The following SNX29 variants were observed in gnomAD, a reference collection of about 807,000 sequenced individuals.
The protein encoded by SNX29 is sorting nexin-29.
A neutral mutation model predicts 102.1 loss-of-function variants in SNX29; 78 were observed. The ratio of observed to expected loss-of-function variants is 0.76; its 90% CI spans 0.64 to 0.92. The LOEUF (loss-of-function observed/expected upper bound fraction) is 0.92. Among genes scored for constraint, SNX29 ranks in the 40% least tolerant of loss-of-function variants. The probability of loss-of-function intolerance (pLI) is 0.00; values close to 1 mark genes in which losing one functional copy is unlikely to be tolerated. For synonymous variants in SNX29, 580 were observed against 414.5 expected, an observed-to-expected ratio of 1.40 and a Z score of -4.85; for missense variants, 1,280 against 1,061.7, an observed-to-expected ratio of 1.21 and a Z score of -2.86.
chr16:12,571,965 T>A lies in SNX29; in HGVS notation c.*3336T>A. The A allele has an allele frequency of 9.4e-7, 1 of 1,061,630 alleles. No individual in the cohort carries two copies. The highest frequency in any genetic ancestry group is 5.1e-5 in the East Asian group (1 of 19,646). The allele number at this position is 1,061,630 out of a possible 1,614,324, so 65.8% of individuals were successfully genotyped here. On this transcript the variant is annotated 3_prime_UTR_variant, in exon 21 of 21. Transcript: ENST00000566228. ...TCAGGGAAGAGGCTCTTACAGTCTA[T>A]GGTGGTAGCCATCTTCACATCCAGT...
At chr16:12,051,417 A>G (rs2050295981) in intron 7 of SNX29, among the ~76,000 whole-genome samples, 1 of 151,790 alleles carries the variant, frequency 6.6e-6, no homozygotes, top group African/African-American at 2.4e-5. Flanking sequence ...GGGAGGAGCC[A>G]CAAAGATCCA....
intron 13 of SNX29, among the ~76,000 whole-genome samples, chr16:12,151,116 CT>C (rs1246145343): frequency 6.6e-6 from 1 of 152,208 alleles, no homozygotes; most frequent in Non-Finnish European, 1.5e-5. Flanking sequence ...GTAACAGCCC[CT>C]GTGTACCCAT....
chr16:11,980,243 A>G (rs2055385003), intron 1 of SNX29, among the ~76,000 whole-genome samples: 1 of 152,134 alleles, frequency 6.6e-6, no homozygotes, highest in Non-Finnish European at 1.5e-5. Flanking sequence ...TGGGTATTTC[A>G]TATAAATGAA....
intron 20 of SNX29, among the ~76,000 whole-genome samples, chr16:12,565,724 C>G (rs932373351): frequency 2.6e-5 from 4 of 152,200 alleles, no homozygotes; most frequent in African/African-American, 7.2e-5. Flanking sequence ...GTCTGCCCGG[C>G]TACAAGTCCA....
Position 11,981,602 on chromosome 16 carries a change from A to G in SNX29, c.7+4789A>G, listed in dbSNP as rs1375611467. 1.3e-5 allele frequency among the ~76,000 whole-genome samples: 2 copies of G among 152,148 alleles called. 1 individual carries two copies. The highest frequency in any genetic ancestry group is 2.9e-5 in the Non-Finnish European group (2 of 68,048). On this transcript the variant is annotated intron_variant, in intron 1 of 20. Coordinates refer to ENST00000566228, the MANE Select transcript of SNX29 (RefSeq NM_032167.5). Reference sequence around the variant, plus strand: ...TGTTTTTCAGTCTCTTGTATGTGCTATAAATTGGTAATTAGAGTCTGCTGT... The same window carrying G: ...TGTTTTTCAGTCTCTTGTATGTGCTGTAAATTGGTAATTAGAGTCTGCTGT...
intron 16 of SNX29, among the ~76,000 whole-genome samples, chr16:12,365,664 C>A (rs2082446564): frequency 1.3e-5 from 2 of 150,214 alleles, no homozygotes; most frequent in Non-Finnish European, 3.0e-5. Context: ...ACACTCCAGC[C>A]TGGGTGACAG....
chr16:12,564,917 G>A (rs1352261353), intron 20 of SNX29, among the ~76,000 whole-genome samples: 10 of 127,988 alleles, frequency 7.8e-5, no homozygotes, highest in South Asian at 2.9e-4. Context: ...AGCAGGGACT[G>A]GAGGGAACCT....
At chr16:12,060,373 C>A (rs139942704) in intron 8 of SNX29, among the ~76,000 whole-genome samples, 18 of 152,102 alleles carry the variant, frequency 1.2e-4, no homozygotes, top group African/African-American at 3.6e-4. Context: ...AGGAGGATCG[C>A]TTGAGGCTAG....
At chr16:12,173,966 G>A (rs79397995) in intron 13 of SNX29, among the ~76,000 whole-genome samples, 1 of 152,178 alleles carries the variant, frequency 6.6e-6, no homozygotes, top group African/African-American at 2.4e-5. Flanking sequence ...TTTTAGTAGA[G>A]ATGGGGTTTC....
At chr16:12,431,461 T>C (rs562788821) in intron 18 of SNX29, among the ~76,000 whole-genome samples, 9 of 151,926 alleles carry the variant, frequency 5.9e-5, no homozygotes, top group East Asian at 5.8e-4. Context: ...TTTGTTTTTT[T>C]GTTTTTTTTG....
In SNX29 at chr16:12,562,119, G is replaced by A. The variant is rs751855513; in HGVS notation, c.2319-6387G>A. Among the ~76,000 whole-genome samples the A allele has an allele frequency of 2.0e-5, 3 of 152,172 alleles. No individual in the cohort carries two copies. In the South Asian group the frequency reaches 6.2e-4, roughly 32 times the overall value. ...CATTTCTAAGGCCGTTCACTCTCCT[G>A]TGTGACCCCAAAATGGCTCTGGCAA... On this transcript the variant is annotated intron_variant, in intron 20 of 20. Coordinates refer to ENST00000566228, the MANE Select transcript of SNX29 (RefSeq NM_032167.5).
At chr16:12,135,117 A>G (rs1024579776) in intron 13 of SNX29, among the ~76,000 whole-genome samples, 6 of 152,150 alleles carry the variant, frequency 3.9e-5, no homozygotes, top group Admixed American at 2.0e-4. Context: ...TCTTCTACTC[A>G]GGCCCTGCTT....
intron 9 of SNX29, among the ~76,000 whole-genome samples, chr16:12,064,698 C>T (rs1413589922): frequency 1.3e-5 from 2 of 152,190 alleles, no homozygotes; most frequent in Non-Finnish European, 2.9e-5. Context: ...TGCATCAAGT[C>T]CCTTCTGTCC....
chr16:12,325,171 A>T (rs866811440), intron 15 of SNX29, among the ~76,000 whole-genome samples: 1 of 152,222 alleles, frequency 6.6e-6, no homozygotes, highest in Non-Finnish European at 1.5e-5. Context: ...GCAAGAAAGA[A>T]TAGAAATCTG....
intron 20 of SNX29, among the ~76,000 whole-genome samples, chr16:12,540,254 G>T (rs1404022704): frequency 6.6e-6 from 1 of 152,104 alleles, no homozygotes; most frequent in Non-Finnish European, 1.5e-5. Flanking sequence ...CCCACCCCCA[G>T]CGTAAGGTCA....
chr16:12,551,144 G>A (rs1173045085), intron 20 of SNX29, among the ~76,000 whole-genome samples: 1 of 152,080 alleles, frequency 6.6e-6, no homozygotes, highest in African/African-American at 2.4e-5. Context: ...CAGCTGCCAG[G>A]AGAATCTCAG....
chr16:12,327,974 A>T (rs892116200), intron 15 of SNX29, among the ~76,000 whole-genome samples: 8 of 152,162 alleles, frequency 5.3e-5, no homozygotes, highest in African/African-American at 1.9e-4. Context: ...CCCGGAGACC[A>T]TATTCAGACA....
At chr16:12,538,161 A>C (rs544138508) in intron 20 of SNX29, among the ~76,000 whole-genome samples, 2 of 152,244 alleles carry the variant, frequency 1.3e-5, no homozygotes, top group South Asian at 2.1e-4. Flanking sequence ...TGTCACCCAG[A>C]ATAGAGTGCA....
At chr16:12,182,933 C>CAA (rs575698544) in intron 13 of SNX29, among the ~76,000 whole-genome samples, 825 of 45,586 alleles carry the variant, frequency 0.018, 18 homozygotes, top group Non-Finnish European at 0.022. Context: ...GACTCTGTCT[C>CAA]AAAAAAAAAA....
Sources: gnomAD v4.1 joint callset for allele counts (sites outside exome capture counted in the v4.1 genomes callset) on GRCh38, gnomAD v4.1.1 for gene constraint, MANE v1.5 for transcripts, NCBI Gene and HGNC (gene_info 2026-07-23, HGNC 2026-07-21) for gene names.